Variants in SCN1A observed in about 807,000 individuals in gnomAD.
The protein encoded by SCN1A is sodium voltage-gated channel alpha subunit 1.
In SCN1A, 13 loss-of-function variants were observed where a neutral mutation model predicts 193.7. The observed-to-expected ratio is 0.07, with a 90% CI of 0.04 to 0.11. The LOEUF is 0.11. Ranked by LOEUF, SCN1A falls within the 10% of genes least tolerant of loss-of-function variation. The pLI, the probability that SCN1A is intolerant of heterozygous loss-of-function variation, is 1.00. For missense variants in SCN1A, 1,432 were observed against 2,451.1 expected (o/e 0.58, Z 8.78); for synonymous variants, 781 against 843.6 (o/e 0.93, Z 1.29).
chr2:166,066,986 TTA>T (rs1433717940), intron 4 of SCN1A, among the ~76,000 whole-genome samples: 1 of 152,102 alleles, frequency 6.6e-6, no homozygotes, highest in African/African-American at 2.4e-5. Flanking sequence ...GTCAGCTTGA[TTA>T]TATGTCTTAT....
chr2:166,083,263 A>C (rs1021668834), intron 2 of SCN1A, among the ~76,000 whole-genome samples: 3 of 152,112 alleles, frequency 2.0e-5, no homozygotes, highest in Non-Finnish European at 4.4e-5. Flanking sequence ...GGGTTAACTA[A>C]AACAACATAT....
intron 21 of SCN1A, among the ~76,000 whole-genome samples, chr2:166,012,867 A>G (rs1310328237): frequency 1.3e-5 from 2 of 151,106 alleles, no homozygotes; most frequent in South Asian, 2.1e-4. Flanking sequence ...TTCTATTATG[A>G]ACCTCTCGAT....
intron 4 of SCN1A, among the ~76,000 whole-genome samples, chr2:166,064,285 A>T (rs1364300165): frequency 1.3e-5 from 2 of 152,144 alleles, no homozygotes; most frequent in African/African-American, 4.8e-5. Flanking sequence ...CATAGAGGTA[A>T]TGTGATTCCA....
At chr2:166,052,813 A>C (rs780931799) in intron 8 of SCN1A, 39 bp downstream of exon 8, 1 of 1,478,596 alleles carries the variant, frequency 6.8e-7, no homozygotes, top group South Asian at 1.1e-5. Flanking sequence ...ATGCTGAATC[A>C]CATGATGGGT....
rs372555722 is a variant in SCN1A, at chr2:166,036,086, C to G, written c.3391G>C (p.Asp1131His). The change falls in exon 19 of 29, where the codon GAC (aspartate) becomes CAC (histidine). Residue 1131 changes from aspartate to histidine, a missense_variant. This residue lies in a region of SCN1A where 198 missense variants were observed against 225.8 expected (regional missense o/e 0.88). Transcript: ENST00000674923. The part of the protein sequence containing the change: ...ESDFENLNTE[D>H]FSSESDLEES... ...TCCAGATCCGATTCACTACTAAAGT[C>G]TTCCGTGTTTAAATTTTCAAAGTCA... 3 of 1,613,858 alleles carry G rather than the reference C, an allele frequency of 1.9e-6. No homozygotes were observed. Among genetic ancestry groups the G allele is most frequent in the Admixed American group, 1.7e-5 (1 of 60,024 alleles).
chr2:166,066,889 C>T (rs964714910), intron 4 of SCN1A, among the ~76,000 whole-genome samples: 2 of 152,140 alleles, frequency 1.3e-5, no homozygotes, highest in Non-Finnish European at 2.9e-5. Flanking sequence ...AACCTTCAAA[C>T]TCTTTAAGAT....
chr2:165,997,628 C>T (rs1690254612), intron 26 of SCN1A, among the ~76,000 whole-genome samples: 1 of 151,298 alleles, frequency 6.6e-6, no homozygotes, highest in South Asian at 2.1e-4. Context: ...AAGAAGCTTA[C>T]ATCCAGTGCC....
chr2:166,012,284 TA>T lies in SCN1A; in HGVS notation c.3706-3del. 1 of 1,603,022 alleles carries T rather than the reference TA, an allele frequency of 6.2e-7. No individual in the cohort carries two copies. Among genetic ancestry groups the T allele is most frequent in the Non-Finnish European group, 8.5e-7 (1 of 1,171,788 alleles). Reference sequence around the variant, plus strand: ...ATCAATATATATATCTTCAAATGCCTATAAAGAAAATGTTACACATTATTAG... The same window carrying T: ...ATCAATATATATATCTTCAAATGCCTTAAAGAAAATGTTACACATTATTAG... On this transcript the variant is annotated splice_region_variant and splice_polypyrimidine_tract_variant and intron_variant, in intron 21 of 28. Transcript: ENST00000674923.
intron 4 of SCN1A, 78 bp downstream of exon 4, chr2:166,073,280 G>T: frequency 6.5e-7 from 1 of 1,532,062 alleles, no homozygotes; most frequent in Non-Finnish European, 8.9e-7. Context: ...TGCTAATTTG[G>T]CATGTGTTGG....
intron 2 of SCN1A, among the ~76,000 whole-genome samples, chr2:166,090,170 G>C (rs566267111): frequency 6.6e-6 from 1 of 150,668 alleles, no homozygotes; most frequent in African/African-American, 2.4e-5. Flanking sequence ...CTCCTGAGTA[G>C]CTGGGATGCA....
chr2:166,016,041 G>A (rs895808701), intron 19 of SCN1A: 3 of 321,672 alleles, frequency 9.3e-6, no homozygotes, highest in African/African-American at 2.2e-5. Context: ...AAGAGAAGAG[G>A]GAGGAAGAGA....
At chr2:166,043,260 G>T (rs1319662598) in intron 14 of SCN1A, among the ~76,000 whole-genome samples, 1 of 152,182 alleles carries the variant, frequency 6.6e-6, no homozygotes, top group Non-Finnish European at 1.5e-5. Context: ...CAGTGTTTTT[G>T]AAAATCTAAA....
intron 20 of SCN1A, 129 bp downstream of exon 20, chr2:166,015,478 A>T: frequency 1.8e-6 from 2 of 1,113,072 alleles, no homozygotes; most frequent in Non-Finnish European, 1.3e-6. Flanking sequence ...GTCTGTCAAC[A>T]TATTAGAGGT....
intron 19 of SCN1A, among the ~76,000 whole-genome samples, chr2:166,022,098 T>C (rs568005782): frequency 1.3e-5 from 2 of 152,110 alleles, no homozygotes; most frequent in Non-Finnish European, 2.9e-5. Flanking sequence ...TTAAAAAATT[T>C]TGAAAATGTA....
chr2:166,140,813 A>T (rs1379178124), intron 1 of SCN1A, among the ~76,000 whole-genome samples: 1 of 152,078 alleles, frequency 6.6e-6, no homozygotes, highest in African/African-American at 2.4e-5. Flanking sequence ...GCTCTGCTTG[A>T]TGTTTGTGAA....
At chr2:166,014,208 C>G (rs1574062877) in intron 20 of SCN1A, among the ~76,000 whole-genome samples, 1 of 151,616 alleles carries the variant, frequency 6.6e-6, no homozygotes, top group East Asian at 1.9e-4. Context: ...TCCTGTTGCA[C>G]TCTGTTGAAG....
chr2:166,002,237 A>AG (rs1690978069), intron 24 of SCN1A, among the ~76,000 whole-genome samples: 1 of 151,718 alleles, frequency 6.6e-6, no homozygotes, highest in Non-Finnish European at 1.5e-5. Flanking sequence ...AGAAAATACA[A>AG]GAAAAAAGAC....
rs114605888 is a variant in SCN1A at position 166,047,551 on chromosome 2, G to A, written c.1170+76C>T. 324 of 1,512,054 alleles carry A rather than the reference G, an allele frequency of 2.1e-4. 2 individuals carry two copies. In the African/African-American group the frequency reaches 3.6e-3, roughly 17 times the overall value. 93.7% of individuals were successfully genotyped at this position (1,512,054 alleles called of 1,614,324 possible). On this transcript the variant is annotated intron_variant, in intron 11 of 28. Coordinates refer to ENST00000674923, the MANE Select transcript of SCN1A (RefSeq NM_001165963.4). ...TGCTCTTTCTACTATATTATCATCC[G>A]GTTTTAATTTCATAACTCAATTGGT...
intron 2 of SCN1A, among the ~76,000 whole-genome samples, chr2:166,114,889 A>G (rs1689679426): frequency 6.6e-6 from 1 of 152,214 alleles, no homozygotes; most frequent in Admixed American, 6.5e-5. Flanking sequence ...AAATATTAAC[A>G]TGTTAAAAGC....
Sources: allele counts gnomAD v4.1 joint callset (sites outside exome capture counted in the v4.1 genomes callset), GRCh38; gene constraint gnomAD v4.1.1; regional missense constraint gnomAD v4.1.1; transcripts MANE v1.5; gene names NCBI Gene and HGNC (gene_info 2026-07-23, HGNC 2026-07-21).